NAALADL2: variants seen among roughly 807,000 people sequenced by gnomAD.
NAALADL2 encodes inactive N-acetylated-alpha-linked acidic dipeptidase-like protein 2.
Under a neutral mutation model 87.2 loss-of-function variants are expected in NAALADL2, and 76 were observed. That is an observed-to-expected ratio of 0.87 (90% CI 0.72 to 1.05). The LOEUF (loss-of-function observed/expected upper bound fraction) is 1.05. Among genes scored for constraint, NAALADL2 ranks in the 50% least tolerant of loss-of-function variants. NAALADL2 has a pLI of 0.00. For missense variants in NAALADL2, 1,089 were observed against 945.8 expected (o/e 1.15, Z -1.99); for synonymous variants, 354 against 331.0 (o/e 1.07, Z -0.75).
chr3:175,024,229 G>T (rs955775840), intron 1 of NAALADL2, among the ~76,000 whole-genome samples: 3 of 151,954 alleles, frequency 2.0e-5, no homozygotes, highest in African/African-American at 7.2e-5. Flanking sequence ...TCATTAAAGT[G>T]GAACAATCTA....
chr3:175,111,859 G>A (rs1724247400), intron 2 of NAALADL2, among the ~76,000 whole-genome samples: 1 of 151,534 alleles, frequency 6.6e-6, no homozygotes, highest in South Asian at 2.1e-4. Context: ...CTTGAAATCG[G>A]GGGAATTTAT....
chr3:175,460,874 C>G (rs1723014931), intron 6 of NAALADL2, among the ~76,000 whole-genome samples: 1 of 152,000 alleles, frequency 6.6e-6, no homozygotes, highest in Non-Finnish European at 1.5e-5. Context: ...TTGTAAAGAG[C>G]AAAAGAATAA....
At chr3:174,794,000 A>T (rs1198014548) in intron 3 of NAALADL2, among the ~76,000 whole-genome samples, 1 of 152,128 alleles carries the variant, frequency 6.6e-6, no homozygotes, top group Non-Finnish European at 1.5e-5. Flanking sequence ...GCTTGGAAAG[A>T]TCCAATATCT....
intron 5 of NAALADL2, among the ~76,000 whole-genome samples, chr3:175,356,576 AAATAAT>A (rs377522672): frequency 0.023 from 3,062 of 131,714 alleles, 68 homozygotes; most frequent in African/African-American, 0.057. Flanking sequence ...CCCTGTGTCA[AAATAAT>A]AATAATAATA....
chr3:174,581,026 G>T (rs1177959483), intron 2 of NAALADL2, among the ~76,000 whole-genome samples: 1 of 152,028 alleles, frequency 6.6e-6, no homozygotes, highest in Admixed American at 6.6e-5. Context: ...TTTAATTTTG[G>T]CTATTATAGT....
Position 174,993,034 on chromosome 3 carries a change from G to A in NAALADL2, c.44-103756G>A, listed in dbSNP as rs73048942. On this transcript the variant is annotated intron_variant, in intron 1 of 13. Coordinates refer to ENST00000454872, the MANE Select transcript of NAALADL2 (RefSeq NM_207015.3). ...GCGGGAGATAAGAATAGAGCATATC[G>A]AGAATATGGAGGAGCTTCACAAAAT... Among the ~76,000 whole-genome samples, 1,324 of 152,102 alleles carry A rather than the reference G, an allele frequency of 8.7e-3. 23 individuals carry two copies. Among genetic ancestry groups the A allele is most frequent in the African/African-American group, 0.03 (1,256 of 41,534 alleles).
At chr3:174,525,162 A>G (rs1297691889) in intron 1 of NAALADL2, among the ~76,000 whole-genome samples, 3 of 152,240 alleles carry the variant, frequency 2.0e-5, no homozygotes, top group Non-Finnish European at 2.9e-5. Context: ...TAAGCAACAC[A>G]TGACTGTAAT....
rs1754559860 is a variant in NAALADL2 at position 175,804,793 on chromosome 3, C to T, written c.*1590C>T. ...TTTATAAGGTTCAACACTGTCTACC[C>T]TAAATAATTTTTATATGCTCAAGGC... On this transcript the variant is annotated 3_prime_UTR_variant, in exon 14 of 14. Transcript: ENST00000454872. 1 of 151,708 alleles carries T rather than the reference C, an allele frequency of 6.6e-6. No homozygotes were observed. The highest frequency in any genetic ancestry group is 1.5e-5 in the Non-Finnish European group (1 of 67,830). 9.4% of individuals were successfully genotyped at this position (151,708 alleles called of 1,614,324 possible). A position where few individuals can be genotyped will look rare whatever the true frequency, so the allele number is the denominator to read the frequency against.
At chr3:175,572,427 G>A (rs1210108529) in intron 9 of NAALADL2, among the ~76,000 whole-genome samples, 10 of 140,572 alleles carry the variant, frequency 7.1e-5, no homozygotes, top group African/African-American at 2.8e-4. Context: ...AAAAAAAAAA[G>A]TTTTTATATG....
At chr3:174,584,673 T>C (rs907264537) in intron 2 of NAALADL2, among the ~76,000 whole-genome samples, 5 of 152,166 alleles carry the variant, frequency 3.3e-5, no homozygotes, top group Non-Finnish European at 7.4e-5. Flanking sequence ...AAGGATATCA[T>C]AAATTTTTAT....
At chr3:174,767,537 G>A (rs1454577484) in intron 3 of NAALADL2, among the ~76,000 whole-genome samples, 1 of 151,968 alleles carries the variant, frequency 6.6e-6, no homozygotes, top group African/African-American at 2.4e-5. Context: ...ATAGGCTCTT[G>A]CCAGTCACTG....
At chr3:175,461,722 A>G (rs1367368887) in intron 6 of NAALADL2, among the ~76,000 whole-genome samples, 3 of 152,196 alleles carry the variant, frequency 2.0e-5, no homozygotes, top group South Asian at 2.1e-4. Context: ...TTCTTCACCT[A>G]TATCTGTATC....
rs566143561 is a variant in NAALADL2 at position 175,284,689 on chromosome 3, G to A, written c.939+28159G>A. ...TAGTGTTTCTTAACAGATAGGAAAA[G>A]AAATTAAAATAATAATTAAATTACA... is the stretch of plus-strand genomic sequence containing the variant. On this transcript the variant is annotated intron_variant, in intron 4 of 13. Coordinates refer to ENST00000454872, the MANE Select transcript of NAALADL2 (RefSeq NM_207015.3). Among the ~76,000 whole-genome samples, 299 of 152,084 alleles carry A rather than the reference G, an allele frequency of 2.0e-3. 1 individual carries two copies. The highest frequency in any genetic ancestry group is 7.0e-3 in the African/African-American group (292 of 41,510).
intron 9 of NAALADL2, among the ~76,000 whole-genome samples, chr3:175,538,053 C>T (rs572208163): frequency 1.6e-4 from 25 of 151,982 alleles, no homozygotes; most frequent in South Asian, 4.2e-4. Context: ...TTATAAAGCT[C>T]GATTAGATGT....
chr3:174,532,169 G>A (rs990870484), intron 1 of NAALADL2, among the ~76,000 whole-genome samples: 2 of 152,146 alleles, frequency 1.3e-5, no homozygotes, highest in Non-Finnish European at 2.9e-5. Flanking sequence ...GTCCTTTTCA[G>A]TTTCTGGGGG....
chr3:175,659,581 T>C (rs1483972058), intron 11 of NAALADL2, among the ~76,000 whole-genome samples: 1 of 152,172 alleles, frequency 6.6e-6, no homozygotes, highest in Non-Finnish European at 1.5e-5. Flanking sequence ...TAGGTCTTGA[T>C]GATAAGTTCA....
intron 1 of NAALADL2, among the ~76,000 whole-genome samples, chr3:174,975,132 AG>A (rs1262689342): frequency 1.3e-5 from 2 of 152,114 alleles, no homozygotes; most frequent in African/African-American, 4.8e-5. Flanking sequence ...GTACAGAGCT[AG>A]GGAAACAGAC....
chr3:174,883,270 A>C (rs1729657458), intron 1 of NAALADL2, among the ~76,000 whole-genome samples: 1 of 152,136 alleles, frequency 6.6e-6, no homozygotes, highest in Admixed American at 6.6e-5. Context: ...CACCAGGAGC[A>C]ATGCTTTGTA....
intron 1 of NAALADL2, among the ~76,000 whole-genome samples, chr3:174,917,899 T>G (rs1417898825): frequency 6.6e-6 from 1 of 152,134 alleles, no homozygotes; most frequent in Non-Finnish European, 1.5e-5. Context: ...TAAGCTTGAC[T>G]GATAATTTAC....
Sources: allele counts gnomAD v4.1 joint callset (sites outside exome capture counted in the v4.1 genomes callset), GRCh38; gene constraint gnomAD v4.1.1; transcripts MANE v1.5; gene names NCBI Gene and HGNC (gene_info 2026-07-23, HGNC 2026-07-21).